RBM10: variants seen among roughly 807,000 people sequenced by gnomAD.
RBM10 encodes RNA-binding protein 10.
A neutral mutation model predicts 84.9 loss-of-function variants in RBM10; 1 was observed. The observed-to-expected ratio is 0.01, with a 90% confidence interval of 0.00 to 0.06. The LOEUF (loss-of-function observed/expected upper bound fraction) is 0.06, where lower values mean the gene tolerates loss of function less well. Among genes scored for constraint, RBM10 ranks in the 10% least tolerant of loss-of-function variants. The pLI, the probability that RBM10 is intolerant of heterozygous loss-of-function variation, is 1.00. For synonymous variants in RBM10, 326 were observed against 344.5 expected, an observed-to-expected ratio of 0.95 and a Z score of 0.60; for missense variants, 438 against 839.0, an observed-to-expected ratio of 0.52 and a Z score of 5.90.
In RBM10 at chrX:47,186,469, C is replaced by T. The variant is rs782694182; in HGVS notation, c.2668-5C>T. The T allele has an allele frequency of 1.5e-5, 18 of 1,205,592 alleles. No individual in the cohort carries two copies. The highest frequency in any genetic ancestry group is 3.5e-5 in the African/African-American group (2 of 57,554). ...AGCCTGACAGAGCCTGCCTCCCTCA[C>T]ACAGGCCCAAACACGGGTGCGGGGC... On this transcript the variant is annotated splice_region_variant and splice_polypyrimidine_tract_variant and intron_variant, in intron 23 of 23. Coordinates refer to ENST00000377604, the MANE Select transcript of RBM10 (RefSeq NM_005676.5).
intron 2 of RBM10, among the ~76,000 whole-genome samples, chrX:47,163,033 C>G (rs1374999191): frequency 9.6e-5 from 10 of 103,682 alleles, no homozygotes; most frequent in African/African-American, 3.6e-4. Context: ...ATTTCACTAT[C>G]TCACTTCTGT....
intron 2 of RBM10, among the ~76,000 whole-genome samples, chrX:47,152,070 G>A (rs1272165198): frequency 9.0e-6 from 1 of 111,532 alleles, no homozygotes; most frequent in Non-Finnish European, 1.9e-5. Context: ...AAATCAGCCA[G>A]GCGTGGTGAA....
chrX:47,160,323 T>A (rs1933572253), intron 2 of RBM10, among the ~76,000 whole-genome samples: 1 of 112,055 alleles, frequency 8.9e-6, no homozygotes, highest in African/African-American at 3.2e-5. Flanking sequence ...ATGGACAGCC[T>A]ACAGAATAGG....
chrX:47,170,180 T>C (rs1400646712), intron 3 of RBM10, among the ~76,000 whole-genome samples: 1 of 113,315 alleles, frequency 8.8e-6, no homozygotes, highest in Non-Finnish European at 1.9e-5. Context: ...AGCCCAGCCC[T>C]GGGGGGCAGT....
At chrX:47,178,025 C>T (rs932851686) in intron 7 of RBM10, among the ~76,000 whole-genome samples, 4 of 111,170 alleles carry the variant, frequency 3.6e-5, no homozygotes, top group Admixed American at 9.6e-5. Flanking sequence ...TCGCCATTCC[C>T]GCTGCTCATG....
rs898776296 is a variant in RBM10 at position 47,180,602 on chromosome X, A to G, written c.1248+96A>G. The G allele has an allele frequency of 5.6e-5, 65 of 1,153,354 alleles. No homozygotes were observed. The African/African-American group carries it at 1.1e-3, about 20-fold the overall frequency. On this transcript the variant is annotated intron_variant, in intron 12 of 23. Coordinates refer to ENST00000377604, the MANE Select transcript of RBM10 (RefSeq NM_005676.5). ...AAGCAGGAAGGCTGGCTTGCTATCC[A>G]TGGATGCAAAACCCTCTCCCAGTAG... is the stretch of plus-strand genomic sequence containing the variant.
chrX:47,157,838 G>A, intron 2 of RBM10: 1 of 327,549 alleles, frequency 3.1e-6, no homozygotes, highest in East Asian at 4.9e-5. Flanking sequence ...GAAGTGCAGT[G>A]GTGTGATCTC....
intron 4 of RBM10, among the ~76,000 whole-genome samples, chrX:47,171,559 TTGCATGTG>T (rs782270835): frequency 6.6e-4 from 74 of 112,856 alleles, no homozygotes; most frequent in Non-Finnish European, 1.2e-3. Flanking sequence ...TCCAGCCATT[TTGCATGTG>T]TGCATCATGG....
At chrX:47,169,588 C>A in intron 3 of RBM10, 90 bp downstream of exon 3, 1 of 955,956 alleles carries the variant, frequency 1.0e-6, no homozygotes, top group Non-Finnish European at 1.4e-6. Flanking sequence ...GCAGGCAGCT[C>A]TCCACTCCCG....
intron 2 of RBM10, among the ~76,000 whole-genome samples, chrX:47,162,227 T>C (rs782762746): frequency 1.6e-4 from 18 of 112,390 alleles, no homozygotes; most frequent in African/African-American, 5.8e-4. Context: ...GAAGTAGAAC[T>C]GTGGGTCAAA....
intron 1 of RBM10, among the ~76,000 whole-genome samples, chrX:47,146,455 G>A (rs781970146): frequency 1.8e-5 from 2 of 111,600 alleles, no homozygotes; most frequent in African/African-American, 3.3e-5. Flanking sequence ...TTGAGCAGGT[G>A]CTATTATTGC....
At chrX:47,166,996 C>CT (rs1417513847) in intron 2 of RBM10, among the ~76,000 whole-genome samples, 8 of 109,149 alleles carry the variant, frequency 7.3e-5, no homozygotes, top group African/African-American at 2.3e-4. Flanking sequence ...AGGATGGTCT[C>CT]TATCTCTGGA....
intron 5 of RBM10, 130 bp downstream of exon 5, chrX:47,173,327 G>A: frequency 1.7e-6 from 2 of 1,153,470 alleles, no homozygotes; most frequent in Non-Finnish European, 2.3e-6. Flanking sequence ...GCAGCGTGGG[G>A]GGTGCCCTCT....
intron 2 of RBM10, among the ~76,000 whole-genome samples, chrX:47,163,755 C>T (rs1319774172): frequency 9.1e-6 from 1 of 109,484 alleles, no homozygotes; most frequent in Non-Finnish European, 1.9e-5. Flanking sequence ...TGCAGTGGCG[C>T]GATCTCGGCT....
intron 2 of RBM10, among the ~76,000 whole-genome samples, chrX:47,163,859 ATTTTTTTTTTTTTT>A (rs35919377): frequency 0.19 from 7,446 of 39,979 alleles, 371 homozygotes; most frequent in Non-Finnish European, 0.23. Context: ...CGCCTGGCTA[ATTTTTTTTTTTTTT>A]TTTTTTTTTT....
chrX:47,179,607 G>A, intron 9 of RBM10, 112 bp downstream of exon 9: 1 of 911,682 alleles, frequency 1.1e-6, no homozygotes, highest in Non-Finnish European at 1.5e-6. Flanking sequence ...TCCACTTGGT[G>A]CGGGGATAGA....
intron 7 of RBM10, among the ~76,000 whole-genome samples, chrX:47,178,082 T>G (rs1935268134): frequency 1.8e-5 from 2 of 111,485 alleles, no homozygotes; most frequent in South Asian, 3.8e-4. Context: ...CTCTCTGGTA[T>G]GCTGGCCTCT....
intron 2 of RBM10, among the ~76,000 whole-genome samples, chrX:47,155,605 C>T (rs1210943007): frequency 4.8e-5 from 5 of 104,812 alleles, no homozygotes; most frequent in African/African-American, 1.0e-4. Context: ...TGGTGGCGGG[C>T]GCCTGTAGTC....
intron 12 of RBM10, 41 bp from the exon 13 acceptor site, chrX:47,181,174 C>T (rs1556778946): frequency 1.1e-5 from 3 of 275,412 alleles, no homozygotes; most frequent in Non-Finnish European, 1.9e-5. Flanking sequence ...CCCACCCCCA[C>T]ACCTTCCTGT....
Sources: gnomAD v4.1 joint callset for allele counts (sites outside exome capture counted in the v4.1 genomes callset) on GRCh38, gnomAD v4.1.1 for gene constraint, MANE v1.5 for transcripts, NCBI Gene and HGNC (gene_info 2026-07-23, HGNC 2026-07-21) for gene names.